The following SPATA16 variants were observed in gnomAD, a reference collection of about 807,000 sequenced individuals.
The protein encoded by SPATA16 is spermatogenesis-associated protein 16.
Under a neutral mutation model 63.3 loss-of-function variants are expected in SPATA16, and 36 were observed. The ratio of observed to expected loss-of-function variants is 0.57; its 90% CI spans 0.44 to 0.75. The LOEUF (loss-of-function observed/expected upper bound fraction) is 0.75, where lower values mean the gene tolerates loss of function less well. SPATA16 is among the 30% of genes least tolerant of loss of function. The probability of loss-of-function intolerance (pLI) is 0.00; values close to 1 mark genes in which losing one functional copy is unlikely to be tolerated. For missense variants in SPATA16, 646 were observed against 679.3 expected (o/e 0.95, Z 0.54); for synonymous variants, 203 against 216.7 (o/e 0.94, Z 0.56).
At chr3:172,974,882 T>C (rs1734119202) in intron 5 of SPATA16, among the ~76,000 whole-genome samples, 1 of 152,110 alleles carries the variant, frequency 6.6e-6, no homozygotes, top group Admixed American at 6.6e-5. Context: ...GTATTAGAAC[T>C]TACGCCAAAT....
chr3:172,953,054 T>A (rs1265867189), intron 6 of SPATA16, among the ~76,000 whole-genome samples: 1 of 152,138 alleles, frequency 6.6e-6, no homozygotes, highest in Non-Finnish European at 1.5e-5. Flanking sequence ...ACATAATTCT[T>A]TTAATTAGAG....
chr3:173,134,205 G>A (rs1738466790), intron 1 of SPATA16, among the ~76,000 whole-genome samples: 1 of 152,150 alleles, frequency 6.6e-6, no homozygotes, highest in Non-Finnish European at 1.5e-5. Context: ...AGTGACCCTG[G>A]CACACAATGG....
chr3:172,990,785 C>T (rs1734558004), intron 4 of SPATA16, among the ~76,000 whole-genome samples: 1 of 152,080 alleles, frequency 6.6e-6, no homozygotes, highest in Non-Finnish European at 1.5e-5. Flanking sequence ...AGAGAAAATG[C>T]CTTGCTCATA....
Position 172,889,464 on chromosome 3 carries a change from T to C in SPATA16, c.*106A>G, listed in dbSNP as rs1731848911. On this transcript the variant is annotated 3_prime_UTR_variant, in exon 11 of 11. Coordinates refer to ENST00000351008, the MANE Select transcript of SPATA16 (RefSeq NM_031955.6). ...GGGGAATACCACCTCTTTCTTTTGG[T>C]GACAAGCTTTTGTTATCCAGCTTCA... is the stretch of plus-strand genomic sequence containing the variant. 3.3e-6 allele frequency: 5 copies of C among 1,533,122 alleles called. No homozygotes were observed. In the African/African-American group the frequency reaches 6.8e-5, roughly 21 times the overall value. The allele number at this position is 1,533,122 out of a possible 1,614,324, so 95.0% of individuals were successfully genotyped here.
chr3:172,966,167 A>T (rs1327014049), intron 5 of SPATA16, among the ~76,000 whole-genome samples: 1 of 152,192 alleles, frequency 6.6e-6, no homozygotes, highest in African/African-American at 2.4e-5. Flanking sequence ...ACAAGAAAAA[A>T]ATCACAATGT....
chr3:172,977,196 A>G, intron 4 of SPATA16, 144 bp from the exon 5 acceptor site: 1 of 720,194 alleles, frequency 1.4e-6, no homozygotes, highest in Non-Finnish European at 2.3e-6. Context: ...CAAAACACAA[A>G]GCACATTTTA....
At chr3:172,903,526 G>A (rs1732167256) in intron 10 of SPATA16, among the ~76,000 whole-genome samples, 1 of 152,156 alleles carries the variant, frequency 6.6e-6, no homozygotes, top group Admixed American at 6.5e-5. Context: ...AGGGGTTATG[G>A]CAATATATGC....
intron 4 of SPATA16, among the ~76,000 whole-genome samples, chr3:173,011,068 TTCTC>T (rs1190107614): frequency 6.6e-6 from 1 of 152,106 alleles, no homozygotes; most frequent in African/African-American, 2.4e-5. Context: ...GAGGAGGGAC[TTCTC>T]TCTAAGTTAT....
chr3:173,013,638 G>A (rs1283792682), intron 4 of SPATA16, among the ~76,000 whole-genome samples: 1 of 152,216 alleles, frequency 6.6e-6, no homozygotes, highest in South Asian at 2.1e-4. Flanking sequence ...GCACATGACT[G>A]TTGCTATGCA....
chr3:173,062,861 A>T (rs1157741235), intron 2 of SPATA16, among the ~76,000 whole-genome samples: 1 of 152,172 alleles, frequency 6.6e-6, no homozygotes, highest in African/African-American at 2.4e-5. Flanking sequence ...TAAAGAGCTC[A>T]CAACTTAGCT....
intron 1 of SPATA16, among the ~76,000 whole-genome samples, chr3:173,136,528 T>C (rs960445863): frequency 3.9e-5 from 6 of 152,132 alleles, no homozygotes; most frequent in Admixed American, 2.0e-4. Context: ...TTTTAGTTAT[T>C]TTAAAATGTA....
intron 2 of SPATA16, among the ~76,000 whole-genome samples, chr3:173,087,558 G>A (rs527630201): frequency 2.0e-5 from 3 of 152,152 alleles, no homozygotes; most frequent in South Asian, 2.1e-4. Context: ...AATTTGATCC[G>A]GTCATCATGA....
intron 9 of SPATA16, among the ~76,000 whole-genome samples, chr3:172,915,938 A>C (rs572906547): frequency 1.3e-5 from 2 of 152,292 alleles, no homozygotes; most frequent in African/African-American, 4.8e-5. Context: ...TCTATACAGC[A>C]ATTACTCTTT....
chr3:173,024,316 G>C (rs1577137004), intron 3 of SPATA16, among the ~76,000 whole-genome samples: 1 of 151,344 alleles, frequency 6.6e-6, no homozygotes, highest in Admixed American at 6.6e-5. Context: ...TTTAGAAAAA[G>C]AATTTAGATA....
chr3:172,891,014 A>G (rs1445049391), intron 10 of SPATA16, among the ~76,000 whole-genome samples: 2 of 142,528 alleles, frequency 1.4e-5, no homozygotes, highest in African/African-American at 2.5e-5. Context: ...ACATACACAT[A>G]TACACTATCT....
At chr3:173,136,860 G>A (rs1738559027) in intron 1 of SPATA16, among the ~76,000 whole-genome samples, 1 of 152,140 alleles carries the variant, frequency 6.6e-6, no homozygotes, top group African/African-American at 2.4e-5. Flanking sequence ...AGAGAAGACA[G>A]TGACTCAAGA....
intron 5 of SPATA16, among the ~76,000 whole-genome samples, chr3:172,960,893 C>CTG (rs1441747138): frequency 1.4e-5 from 2 of 147,818 alleles, no homozygotes; most frequent in African/African-American, 5.3e-5. Context: ...TTCTCTCTCT[C>CTG]CTTCCTTCCT....
intron 3 of SPATA16, among the ~76,000 whole-genome samples, chr3:173,031,372 C>A (rs563265582): frequency 6.7e-6 from 1 of 149,346 alleles, no homozygotes; most frequent in South Asian, 2.1e-4. Context: ...ATTGAAATGA[C>A]TACACATCTA....
At chr3:173,028,010 C>CTT (rs1484917803) in intron 3 of SPATA16, among the ~76,000 whole-genome samples, 12 of 67,386 alleles carry the variant, frequency 1.8e-4, no homozygotes, top group African/African-American at 5.3e-4. Context: ...TCCCTCCCTC[C>CTT]CTCCCTTCCT....
Sources: allele counts gnomAD v4.1 joint callset (sites outside exome capture counted in the v4.1 genomes callset), GRCh38; gene constraint gnomAD v4.1.1; transcripts MANE v1.5; gene names NCBI Gene and HGNC (gene_info 2026-07-23, HGNC 2026-07-21).